The following SESN1 variants were observed in gnomAD, a reference collection of about 807,000 sequenced individuals.
SESN1 encodes sestrin-1.
A neutral mutation model predicts 59.3 loss-of-function variants in SESN1; 30 were observed. The observed-to-expected ratio is 0.51, with a 90% CI of 0.38 to 0.69. SESN1 has a LOEUF of 0.69. Among genes scored for constraint, SESN1 ranks in the 30% least tolerant of loss-of-function variants. The pLI, the probability that SESN1 is intolerant of heterozygous loss-of-function variation, is 0.00. For synonymous variants in SESN1, 197 were observed against 219.9 expected, an observed-to-expected ratio of 0.90 and a Z score of 0.92; for missense variants, 566 against 673.0, an observed-to-expected ratio of 0.84 and a Z score of 1.76.
At chr6:109,066,297 G>A (rs575231424) in intron 1 of SESN1, among the ~76,000 whole-genome samples, 80 of 151,314 alleles carry the variant, frequency 5.3e-4, no homozygotes, top group South Asian at 5.0e-3. Flanking sequence ...TTTAAATCAC[G>A]AAGGTTTGCT....
chr6:109,089,107 T>C (rs1240502746), intron 1 of SESN1, among the ~76,000 whole-genome samples: 1 of 152,154 alleles, frequency 6.6e-6, no homozygotes, highest in Admixed American at 6.5e-5. Context: ...GAATTCATTC[T>C]ACCACCTTGT....
chr6:108,993,851 A>G (rs1384448962), intron 6 of SESN1, among the ~76,000 whole-genome samples: 2 of 152,096 alleles, frequency 1.3e-5, no homozygotes, highest in African/African-American at 4.8e-5. Context: ...AGTAGCCGGT[A>G]CTACAGGTAC....
intron 1 of SESN1, among the ~76,000 whole-genome samples, chr6:109,042,583 G>C (rs1780359723): frequency 6.7e-6 from 1 of 150,132 alleles, no homozygotes; most frequent in Non-Finnish European, 1.5e-5. Flanking sequence ...GGAATACTGT[G>C]AACATTCTAT....
chr6:108,999,589 A>G (rs1259359921), intron 4 of SESN1, among the ~76,000 whole-genome samples: 1 of 152,148 alleles, frequency 6.6e-6, no homozygotes, highest in African/African-American at 2.4e-5. Context: ...GCCACTTCAC[A>G]CTTATCAGAA....
chr6:109,078,957 T>G (rs1205877115), intron 1 of SESN1, among the ~76,000 whole-genome samples: 1 of 152,124 alleles, frequency 6.6e-6, no homozygotes, highest in Non-Finnish European at 1.5e-5. Context: ...GAAAGAATAT[T>G]TATCTCAAGG....
intron 1 of SESN1, among the ~76,000 whole-genome samples, chr6:109,083,948 T>C (rs966073688): frequency 3.3e-5 from 5 of 152,166 alleles, no homozygotes; most frequent in Admixed American, 2.0e-4. Context: ...TAAAGACAAG[T>C]GTGCAGTGCT....
Position 108,986,465 on chromosome 6 carries a change from TA to T in SESN1, c.*1078del, listed in dbSNP as rs1779195903. 6.6e-6 allele frequency: 1 copy of T among 152,644 alleles called. No individual in the cohort carries two copies. The highest frequency in any genetic ancestry group is 2.1e-4 in the South Asian group (1 of 4,826). The allele number at this position is 152,644 out of a possible 1,614,324, so 9.5% of individuals were successfully genotyped here. A position where few individuals can be genotyped will look rare whatever the true frequency, so the allele number is the denominator to read the frequency against. ...AATTGGAGAAAAATTCTTCTTTATT[TA>T]AAAATACCAGTAATACTGACAGACT... On this transcript the variant is annotated 3_prime_UTR_variant, in exon 10 of 10. Coordinates refer to ENST00000436639, the MANE Select transcript of SESN1 (RefSeq NM_014454.3).
intron 1 of SESN1, among the ~76,000 whole-genome samples, chr6:109,021,262 T>C (rs1780006572): frequency 6.6e-6 from 1 of 152,136 alleles, no homozygotes; most frequent in Non-Finnish European, 1.5e-5. Context: ...GGATTACAGG[T>C]GTGAGCCACC....
rs549332580 is a variant in SESN1, at chr6:109,040,937, C to A, written c.280-38594G>T. Among the ~76,000 whole-genome samples the A allele has an allele frequency of 4.2e-4, 64 of 151,992 alleles. 2 individuals carry two copies. The South Asian group carries it at 0.013, about 31-fold the overall frequency. On this transcript the variant is annotated intron_variant, in intron 1 of 9. Transcript: ENST00000436639. ...AAAGTGCTGGGATTACAGGCGTGAGCCACCGCACCTGGCCCAAACTAGCAT... is the reference window on the plus strand; with the variant it reads ...AAAGTGCTGGGATTACAGGCGTGAGACACCGCACCTGGCCCAAACTAGCAT...
intron 1 of SESN1, among the ~76,000 whole-genome samples, chr6:109,080,247 G>A (rs899028705): frequency 6.6e-6 from 1 of 152,144 alleles, no homozygotes; most frequent in Non-Finnish European, 1.5e-5. Context: ...TGCCAGCACT[G>A]TCATGGCAAC....
At chr6:109,030,657 C>A (rs1184515347) in intron 1 of SESN1, among the ~76,000 whole-genome samples, 1 of 152,156 alleles carries the variant, frequency 6.6e-6, no homozygotes, top group Non-Finnish European at 1.5e-5. Context: ...ATTCTAAGGT[C>A]TGGAAAGGAA....
chr6:109,007,118 T>C (rs1028720059), intron 1 of SESN1, among the ~76,000 whole-genome samples: 9 of 152,212 alleles, frequency 5.9e-5, no homozygotes, highest in African/African-American at 9.6e-5. Context: ...ACAACAAGTT[T>C]CCACCATCAC....
rs183388309 is a variant in SESN1, at chr6:109,065,857, T to C, written c.279+27938A>G. Among the ~76,000 whole-genome samples the C allele has an allele frequency of 5.3e-5, 8 of 152,070 alleles. No individual in the cohort carries two copies. In the East Asian group the frequency reaches 5.8e-4, roughly 11 times the overall value. On this transcript the variant is annotated intron_variant, in intron 1 of 9. Coordinates refer to ENST00000436639, the MANE Select transcript of SESN1 (RefSeq NM_014454.3). ...TTACTATACCTTTTCTCTATTATAA[T>C]AGAAGATACTATCTATAATTAGAAT...
At chr6:109,006,863 T>C (rs1008147441) in intron 1 of SESN1, among the ~76,000 whole-genome samples, 1 of 152,216 alleles carries the variant, frequency 6.6e-6, no homozygotes, top group Admixed American at 6.5e-5. Flanking sequence ...TAGCTTCCTA[T>C]TTAGGTTAAT....
Position 109,020,888 on chromosome 6 carries a change from A to G in SESN1, c.280-18545T>C, listed in dbSNP as rs138567413. 7.2e-5 allele frequency among the ~76,000 whole-genome samples: 11 copies of G among 152,350 alleles called. No individual in the cohort carries two copies. The East Asian group carries it at 2.1e-3, about 29-fold the overall frequency. ...TGAACAACACTTCTTTTCTCTTCAAATACTACTTAAACCATTTGATGGTTG... is the reference window on the plus strand; with the variant it reads ...TGAACAACACTTCTTTTCTCTTCAAGTACTACTTAAACCATTTGATGGTTG... On this transcript the variant is annotated intron_variant, in intron 1 of 9. Transcript: ENST00000436639.
chr6:109,083,513 A>G (rs1475950938), intron 1 of SESN1, among the ~76,000 whole-genome samples: 1 of 152,212 alleles, frequency 6.6e-6, no homozygotes, highest in East Asian at 1.9e-4. Context: ...GTTCAATGGT[A>G]AAATTTACAT....
At chr6:109,018,628 G>A (rs201850187) in intron 1 of SESN1, among the ~76,000 whole-genome samples, 4 of 152,042 alleles carry the variant, frequency 2.6e-5, no homozygotes, top group African/African-American at 9.7e-5. Flanking sequence ...TGTACATTTT[G>A]GTGCTTATTG....
chr6:108,992,771 CA>C lies in SESN1; in HGVS notation c.1233+15del, dbSNP rs1433060838. 8.0e-6 allele frequency: 12 copies of C among 1,493,620 alleles called. No individual in the cohort carries two copies. Among genetic ancestry groups the C allele is most frequent in the African/African-American group, 4.1e-5 (3 of 72,566 alleles). 92.5% of individuals were successfully genotyped at this position (1,493,620 alleles called of 1,614,324 possible). Reference sequence around the variant, plus strand: ...ATATTTCTAGTCAATCATGTGCATACAAGTTGCAATTTTACCTGGACACGAA... The same window carrying C: ...ATATTTCTAGTCAATCATGTGCATACAGTTGCAATTTTACCTGGACACGAA... On this transcript the variant is annotated intron_variant, in intron 7 of 9. Transcript: ENST00000436639.
intron 1 of SESN1, among the ~76,000 whole-genome samples, chr6:109,015,530 G>A (rs764947387): frequency 6.6e-6 from 1 of 152,192 alleles, no homozygotes; most frequent in Non-Finnish European, 1.5e-5. Context: ...AAAAGAAAGT[G>A]TCTGTTGAGA....
Sources: gnomAD v4.1 joint callset for allele counts (sites outside exome capture counted in the v4.1 genomes callset) on GRCh38, gnomAD v4.1.1 for gene constraint, MANE v1.5 for transcripts, NCBI Gene and HGNC (gene_info 2026-07-23, HGNC 2026-07-21) for gene names.